The following MED13L variants were observed in gnomAD, a reference collection of about 807,000 sequenced individuals.
MED13L encodes mediator of RNA polymerase II transcription subunit 13-like.
A neutral mutation model predicts 220.9 loss-of-function variants in MED13L; 7 were observed. The observed-to-expected ratio is 0.03, with a 90% CI of 0.02 to 0.06. The LOEUF (loss-of-function observed/expected upper bound fraction) is 0.06. MED13L is among the 10% of genes least tolerant of loss of function. MED13L has a pLI of 1.00. For synonymous variants in MED13L, 1,011 were observed against 1,015.2 expected (o/e 1.00, Z 0.08); for missense variants, 1,965 against 2,760.5 (o/e 0.71, Z 6.46).
At chr12:116,194,177 T>A in intron 2 of MED13L, among the ~76,000 whole-genome samples, 1 of 151,644 alleles carries the variant, frequency 6.6e-6, no homozygotes, top group African/African-American at 2.4e-5. Flanking sequence ...CTTCTTTTTT[T>A]CTTTTGAGAC....
At chr12:116,018,912 C>CG (rs1566013433) in intron 7 of MED13L, among the ~76,000 whole-genome samples, 1 of 143,318 alleles carries the variant, frequency 7.0e-6, no homozygotes, top group Non-Finnish European at 1.5e-5. Context: ...AAAAAAAAAA[C>CG]AAAAAAAAAC....
At chr12:116,109,569 C>T (rs1352478289) in intron 3 of MED13L, among the ~76,000 whole-genome samples, 1 of 151,876 alleles carries the variant, frequency 6.6e-6, no homozygotes, top group Non-Finnish European at 1.5e-5. Flanking sequence ...ATACTTTGTT[C>T]ACATACCTTG....
At chr12:116,253,226 G>C (rs1001207616) in intron 1 of MED13L, among the ~76,000 whole-genome samples, 1 of 147,894 alleles carries the variant, frequency 6.8e-6, no homozygotes, top group Non-Finnish European at 1.5e-5. Flanking sequence ...AAGCCAAGAT[G>C]GCGCCATTGC....
chr12:116,222,562 C>T lies in MED13L; in HGVS notation c.310+14906G>A, dbSNP rs552883266. On this transcript the variant is annotated intron_variant, in intron 2 of 30. Coordinates refer to ENST00000281928, the MANE Select transcript of MED13L (RefSeq NM_015335.5). ...CTCCTGGCCAGGAAAGTCTGACTCACTAATGATACAAGTACTCTTTGAGCA... is the reference window on the plus strand; with the variant it reads ...CTCCTGGCCAGGAAAGTCTGACTCATTAATGATACAAGTACTCTTTGAGCA... Among the ~76,000 whole-genome samples, 57 of 152,264 alleles carry T rather than the reference C, an allele frequency of 3.7e-4. 2 individuals carry two copies. The South Asian group carries it at 0.011, about 30-fold the overall frequency.
At chr12:116,260,442 T>C (rs1207757314) in intron 1 of MED13L, among the ~76,000 whole-genome samples, 1 of 151,958 alleles carries the variant, frequency 6.6e-6, no homozygotes, top group African/African-American at 2.4e-5. Context: ...AACCCAGGAA[T>C]GTGCTGAGGA....
intron 4 of MED13L, among the ~76,000 whole-genome samples, chr12:116,053,438 A>G (rs1868676955): frequency 6.6e-6 from 1 of 152,224 alleles, no homozygotes; most frequent in Admixed American, 6.5e-5. Context: ...TTGGGCCTGA[A>G]GGACTTTTAG....
chr12:116,122,165 C>T (rs1479264393), intron 2 of MED13L, among the ~76,000 whole-genome samples: 1 of 151,976 alleles, frequency 6.6e-6, no homozygotes, highest in East Asian at 1.9e-4. Context: ...GATATTACAA[C>T]AAGGAAACAT....
At chr12:116,199,666 C>A (rs948535915) in intron 2 of MED13L, among the ~76,000 whole-genome samples, 1 of 151,914 alleles carries the variant, frequency 6.6e-6, no homozygotes, top group Non-Finnish European at 1.5e-5. Flanking sequence ...AATTTTAAGA[C>A]CAGGAATCCA....
chr12:116,229,278 T>A (rs1392119610), intron 2 of MED13L, among the ~76,000 whole-genome samples: 4 of 152,222 alleles, frequency 2.6e-5, no homozygotes, highest in Admixed American at 6.5e-5. Flanking sequence ...GTTAATCTAG[T>A]GTTAAGACAA....
intron 2 of MED13L, among the ~76,000 whole-genome samples, chr12:116,126,686 GC>G (rs1389345757): frequency 2.6e-5 from 4 of 152,164 alleles, no homozygotes; most frequent in Non-Finnish European, 4.4e-5. Context: ...AAAAGCCTGA[GC>G]CACTGGGCAA....
chr12:116,241,559 G>T (rs945718190), intron 1 of MED13L, among the ~76,000 whole-genome samples: 1 of 152,090 alleles, frequency 6.6e-6, no homozygotes, highest in Admixed American at 6.5e-5. Flanking sequence ...TCAGGAGAAT[G>T]GTTTCCTAAT....
At chr12:116,244,445 A>C (rs1870923226) in intron 1 of MED13L, among the ~76,000 whole-genome samples, 1 of 152,224 alleles carries the variant, frequency 6.6e-6, no homozygotes, top group Admixed American at 6.5e-5. Context: ...ACAAGAGAGG[A>C]TATAGCATCA....
chr12:116,078,139 C>G (rs977502415), intron 4 of MED13L, among the ~76,000 whole-genome samples: 2 of 116,094 alleles, frequency 1.7e-5, no homozygotes, highest in Non-Finnish European at 3.4e-5. Flanking sequence ...AAGACTCTGT[C>G]TCAAAAAAAA....
intron 3 of MED13L, among the ~76,000 whole-genome samples, chr12:116,105,438 TAAGAA>T (rs1873480440): frequency 6.6e-6 from 1 of 152,164 alleles, no homozygotes; most frequent in Admixed American, 6.5e-5. Context: ...AACTGATCAT[TAAGAA>T]AATAGGAAGC....
At chr12:116,000,307 T>C (rs1878658143) in intron 14 of MED13L, among the ~76,000 whole-genome samples, 1 of 152,202 alleles carries the variant, frequency 6.6e-6, no homozygotes, top group Admixed American at 6.5e-5. Context: ...TCAATTTTCT[T>C]CCCAGAAAAC....
At chr12:116,186,599 C>A (rs1310781054) in intron 2 of MED13L, among the ~76,000 whole-genome samples, 2 of 152,092 alleles carry the variant, frequency 1.3e-5, no homozygotes, top group African/African-American at 2.4e-5. Flanking sequence ...GGAAATTAAA[C>A]CCCAACTGGT....
chr12:116,222,866 A>T (rs1471845857), intron 2 of MED13L, among the ~76,000 whole-genome samples: 4 of 152,240 alleles, frequency 2.6e-5, no homozygotes, highest in Non-Finnish European at 5.9e-5. Context: ...ATGTACACTA[A>T]CACTAAAAAC....
In MED13L at chr12:116,277,116, T is replaced by C; in HGVS notation, c.16A>G (p.Asn6Asp). ...AGGCTCGCCCCGTTCGCCACCCAGTTCGCTGCCGCAGTCATGATCCTCCGC... is the reference window on the plus strand; with the variant it reads ...AGGCTCGCCCCGTTCGCCACCCAGTCCGCTGCCGCAGTCATGATCCTCCGC... MTAAA[N>D]WVANGASLED... The change falls in exon 1 of 31, where the codon AAC becomes GAC. Residue 6 changes from asparagine (N) to aspartate (D), a missense_variant. This residue lies in a region of MED13L where 818 missense variants were observed against 1,041.2 expected (regional missense o/e 0.79). Coordinates refer to ENST00000281928, the MANE Select transcript of MED13L (RefSeq NM_015335.5). 1 of 1,586,028 alleles carries C rather than the reference T, an allele frequency of 6.3e-7. No homozygotes were observed. The highest frequency in any genetic ancestry group is 1.3e-5 in the African/African-American group (1 of 74,472).
At position 116,096,746 on chromosome 12, in the gene MED13L, T is replaced by C; in HGVS notation, c.402A>G (p.Leu134=). 1 of 1,613,170 alleles carries C rather than the reference T, an allele frequency of 6.2e-7. No individual in the cohort carries two copies. The highest frequency in any genetic ancestry group is 1.1e-5 in the South Asian group (1 of 91,066). Residue 134 remains leucine (L), a synonymous_variant, in exon 4 of 31, where the codon CTA becomes CTG. Transcript: ENST00000281928. ...CAATCCTAACGAAGTTCTTATCCAT[T>C]AGGCACCTAAAATAATTACATCAAG... is the stretch of plus-strand genomic sequence containing the variant. ...KAIHNLLERC[L]MDKNFVRIGK...
Sources: gnomAD v4.1 joint callset for allele counts (sites outside exome capture counted in the v4.1 genomes callset) on GRCh38, gnomAD v4.1.1 for gene constraint, gnomAD v4.1.1 regional missense constraint, MANE v1.5 for transcripts, NCBI Gene and HGNC (gene_info 2026-07-23, HGNC 2026-07-21) for gene names.